Variants in SLC8A3 observed in about 807,000 individuals in gnomAD.
SLC8A3 encodes the protein solute carrier family 8 member A3.
Under a neutral mutation model 65.4 loss-of-function variants are expected in SLC8A3, and 37 were observed. That is an observed-to-expected ratio of 0.57 (90% CI 0.44 to 0.74). The LOEUF (loss-of-function observed/expected upper bound fraction) is 0.74. Ranked by LOEUF, SLC8A3 falls within the 30% of genes least tolerant of loss-of-function variation. The probability of loss-of-function intolerance (pLI) is 0.00; values close to 1 mark genes in which losing one functional copy is unlikely to be tolerated. For synonymous variants in SLC8A3, 461 were observed against 444.5 expected, an observed-to-expected ratio of 1.04 and a Z score of -0.47; for missense variants, 1,112 against 1,172.1, an observed-to-expected ratio of 0.95 and a Z score of 0.75.
chr14:70,048,704 G>A, intron 6 of SLC8A3, 63 bp downstream of exon 6: 1 of 1,399,986 alleles, frequency 7.1e-7, no homozygotes, highest in Non-Finnish European at 1.0e-6. Flanking sequence ...ATGAGATGGA[G>A]TCCAGGGGTC....
Position 70,048,941 on chromosome 14 carries a change from A to G in SLC8A3, c.2215T>C (p.Cys739Arg), listed in dbSNP as rs1157361222. ...LTVFWKVLFA[C>R]VPPTEYCHGW... is the part of the protein sequence containing the mutation. ...TGGCAGTACTCTGTGGGGGGCACAC[A>G]GGCAAACAGCACCTTCCAGAAGACA... Residue 739 changes from cysteine to arginine, a missense_variant, in exon 6 of 7, where the codon TGT becomes CGT. Cys to Arg is a radical substitution (Grantham distance 180). Transcript: ENST00000356921. The G allele has an allele frequency of 6.2e-7, 1 of 1,614,262 alleles. No individual in the cohort carries two copies. Among genetic ancestry groups the G allele is most frequent in the Non-Finnish European group, 8.5e-7 (1 of 1,180,044 alleles).
intron 6 of SLC8A3, chr14:70,047,493 C>T (rs1886928225): frequency 1.3e-5 from 2 of 152,236 alleles, no homozygotes; most frequent in Non-Finnish European, 2.9e-5. Flanking sequence ...TTCCTGGGAT[C>T]ATCCATCTAA....
rs994565708 is a variant in SLC8A3, at chr14:70,063,367, A to G, written c.1785-2428T>C. Among the ~76,000 whole-genome samples, 3 of 152,184 alleles carry G rather than the reference A, an allele frequency of 2.0e-5. No individual in the cohort carries two copies. The East Asian group carries it at 5.8e-4, about 29-fold the overall frequency. On this transcript the variant is annotated intron_variant, in intron 2 of 6. Coordinates refer to ENST00000356921, the MANE Select transcript of SLC8A3 (RefSeq NM_182932.3). ...CTCAACTTCCTGGGACTCTAAGTTTAGCCCTGAGAATAACTGCCCCATGGA... is the reference window on the plus strand; with the variant it reads ...CTCAACTTCCTGGGACTCTAAGTTTGGCCCTGAGAATAACTGCCCCATGGA...
At chr14:70,069,944 T>C (rs1057278304) in intron 2 of SLC8A3, among the ~76,000 whole-genome samples, 5 of 152,182 alleles carry the variant, frequency 3.3e-5, no homozygotes, top group African/African-American at 4.8e-5. Flanking sequence ...GTGTGGATGC[T>C]ACTGGTCCAT....
At chr14:70,049,580 T>C (rs997313481) in intron 5 of SLC8A3, among the ~76,000 whole-genome samples, 1 of 151,770 alleles carries the variant, frequency 6.6e-6, no homozygotes, top group South Asian at 2.1e-4. Context: ...TGTATACCTA[T>C]GTAACAAAAC....
chr14:70,132,257 A>G (rs571116498), intron 2 of SLC8A3, among the ~76,000 whole-genome samples: 12 of 152,372 alleles, frequency 7.9e-5, no homozygotes, highest in African/African-American at 2.6e-4. Flanking sequence ...ACTCACCAGA[A>G]AAAGCAGCAA....
At chr14:70,148,293 A>T (rs1896057951) in intron 2 of SLC8A3, among the ~76,000 whole-genome samples, 1 of 152,324 alleles carries the variant, frequency 6.6e-6, no homozygotes, top group Admixed American at 6.5e-5. Flanking sequence ...CTTGCAATGG[A>T]ATTACATCCC....
intron 2 of SLC8A3, among the ~76,000 whole-genome samples, chr14:70,134,553 A>G (rs2140244664): frequency 6.6e-6 from 1 of 152,264 alleles, no homozygotes; most frequent in East Asian, 1.9e-4. Flanking sequence ...TCCAATCCAT[A>G]GGGGTATTTT....
rs11314654 is a variant in SLC8A3 at position 70,137,149 on chromosome 14, C to CTTT, written c.1784+29487_1784+29489dup. The stretch of plus-strand genomic sequence containing the variant: ...ATATTATAAAAACTTGTTTATATAT[C>CTTT]TTTTTTTTTTTTTTGAGATGAAGTC... On this transcript the variant is annotated intron_variant, in intron 2 of 6. Coordinates refer to ENST00000356921, the MANE Select transcript of SLC8A3 (RefSeq NM_182932.3). 1.9e-3 allele frequency among the ~76,000 whole-genome samples: 276 copies of CTTT among 144,806 alleles called. 4 individuals are homozygous for CTTT. The highest frequency in any genetic ancestry group is 5.7e-3 in the African/African-American group (226 of 39,536). The allele number at this position is 144,806 out of a possible 152,430, so 95.0% of individuals were successfully genotyped here. A position where few individuals can be genotyped will look rare whatever the true frequency, so the allele number is the denominator to read the frequency against.
At chr14:70,159,581 G>A (rs1896766526) in intron 2 of SLC8A3, among the ~76,000 whole-genome samples, 1 of 152,208 alleles carries the variant, frequency 6.6e-6, no homozygotes, top group Admixed American at 6.5e-5. Flanking sequence ...CCTTTGGGAA[G>A]TTGATGAAAA....
chr14:70,189,022 T>G (rs1883599529), upstream of SLC8A3: 1 of 151,872 alleles, frequency 6.6e-6, no homozygotes, highest in African/African-American at 2.4e-5. Context: ...AAAGCCAATC[T>G]CCAAGCCTCC....
chr14:70,073,900 C>T (rs1890235625), intron 2 of SLC8A3, among the ~76,000 whole-genome samples: 1 of 152,162 alleles, frequency 6.6e-6, no homozygotes, highest in African/African-American at 2.4e-5. Context: ...CTGAGAAAGC[C>T]CATATTTCTG....
At chr14:70,069,946 C>T (rs571744842) in intron 2 of SLC8A3, among the ~76,000 whole-genome samples, 2 of 152,266 alleles carry the variant, frequency 1.3e-5, no homozygotes, top group African/African-American at 4.8e-5. Flanking sequence ...GTGGATGCTA[C>T]TGGTCCATGG....
chr14:70,131,388 C>T (rs61977453), intron 2 of SLC8A3, among the ~76,000 whole-genome samples: 17,686 of 152,258 alleles, frequency 0.12, 1,229 homozygotes, highest in Non-Finnish European at 0.16. Flanking sequence ...TGGTTGGAAT[C>T]CTAGGTTCCA....
rs992873161 is a variant in SLC8A3 at position 70,048,268 on chromosome 14, G to A, written c.2389+499C>T. On this transcript the variant is annotated intron_variant, in intron 6 of 6. Coordinates refer to ENST00000356921, the MANE Select transcript of SLC8A3 (RefSeq NM_182932.3). ...TAGAGGAGGCCAAGAATGTATGTGGGCATTTCTCCTTTGATATCTTTGAGC... is the reference window on the plus strand; with the variant it reads ...TAGAGGAGGCCAAGAATGTATGTGGACATTTCTCCTTTGATATCTTTGAGC... The A allele has an allele frequency of 2.1e-5, 5 of 241,706 alleles. No homozygotes were observed. In the East Asian group the frequency reaches 3.8e-4, roughly 18 times the overall value. The allele number at this position is 241,706 out of a possible 1,614,324, so 15.0% of individuals were successfully genotyped here. A position where few individuals can be genotyped will look rare whatever the true frequency, so the allele number is the denominator to read the frequency against.
At chr14:70,182,198 T>A (rs964583315) in intron 1 of SLC8A3, among the ~76,000 whole-genome samples, 1 of 152,010 alleles carries the variant, frequency 6.6e-6, no homozygotes, top group Non-Finnish European at 1.5e-5. Context: ...AAGTGGGAAG[T>A]CAGGAGGAGA....
chr14:70,102,526 A>T (rs1236329731), intron 2 of SLC8A3, among the ~76,000 whole-genome samples: 1 of 152,200 alleles, frequency 6.6e-6, no homozygotes, highest in Non-Finnish European at 1.5e-5. Flanking sequence ...TAACCCCAAG[A>T]TGACTCAGAT....
At position 70,163,025 on chromosome 14, in the gene SLC8A3, C is replaced by T. The variant is rs117233472; in HGVS notation, c.1784+3614G>A. On this transcript the variant is annotated intron_variant, in intron 2 of 6. Coordinates refer to ENST00000356921, the MANE Select transcript of SLC8A3 (RefSeq NM_182932.3). The stretch of plus-strand genomic sequence containing the variant: ...ATTTGTCTGTACCCTTTGATCCTCT[C>T]CACTTGACAGTAAGATCCTTGAGCG... Among the ~76,000 whole-genome samples, 682 of 152,320 alleles carry T rather than the reference C, an allele frequency of 4.5e-3. 2 individuals carry two copies. Among genetic ancestry groups the T allele is most frequent in the Non-Finnish European group, 7.8e-3 (529 of 68,028 alleles).
At chr14:70,165,710 G>C (rs186303007) in intron 2 of SLC8A3, among the ~76,000 whole-genome samples, 1 of 152,338 alleles carries the variant, frequency 6.6e-6, no homozygotes, top group East Asian at 1.9e-4. Context: ...ATTTGCAAGA[G>C]GGTTCAATGG....
Sources: gnomAD v4.1 joint callset for allele counts (sites outside exome capture counted in the v4.1 genomes callset) on GRCh38, gnomAD v4.1.1 for gene constraint, MANE v1.5 for transcripts, NCBI Gene and HGNC (gene_info 2026-07-23, HGNC 2026-07-21) for gene names.